Variants in DNAH9 observed in about 807,000 individuals in gnomAD.
The protein encoded by DNAH9 is DNAH9 variant protein.
In DNAH9, 345 loss-of-function variants were observed where a neutral mutation model predicts 471.6. That is an observed-to-expected ratio of 0.73 (90% CI 0.67 to 0.80). The LOEUF (loss-of-function observed/expected upper bound fraction) is 0.80. Ranked by LOEUF, DNAH9 falls within the 30% of genes least tolerant of loss-of-function variation. DNAH9 has a pLI of 0.00. For synonymous variants in DNAH9, 2,093 were observed against 2,123.6 expected, an observed-to-expected ratio of 0.99 and a Z score of 0.40; for missense variants, 5,407 against 5,609.2, an observed-to-expected ratio of 0.96 and a Z score of 1.15.
At chr17:11,941,694 G>GGATAGATAGATAGATA (rs58634740) in intron 66 of DNAH9, among the ~76,000 whole-genome samples, 27 of 148,220 alleles carry the variant, frequency 1.8e-4, no homozygotes, top group African/African-American at 5.3e-4. Flanking sequence ...GTGGATGACC[G>GGATAGATAGATAGATA]GATAGATAGA....
intron 19 of DNAH9, among the ~76,000 whole-genome samples, chr17:11,688,589 C>A (rs1179342351): frequency 6.6e-6 from 1 of 152,226 alleles, no homozygotes; most frequent in East Asian, 1.9e-4. Flanking sequence ...AATGATGACA[C>A]CATCCTGGCA....
intron 38 of DNAH9, among the ~76,000 whole-genome samples, chr17:11,771,378 C>T (rs544822740): frequency 1.3e-5 from 2 of 152,308 alleles, no homozygotes; most frequent in South Asian, 4.1e-4. Flanking sequence ...ATCCACCTGC[C>T]TCGGCCTCCC....
At chr17:11,665,422 A>G (rs2073849669) in intron 15 of DNAH9, among the ~76,000 whole-genome samples, 1 of 152,252 alleles carries the variant, frequency 6.6e-6, no homozygotes, top group South Asian at 2.1e-4. Flanking sequence ...GCCAGGTTAA[A>G]TGGAAGAAAC....
chr17:11,653,515 T>C (rs1217962104), intron 14 of DNAH9, among the ~76,000 whole-genome samples: 1 of 152,118 alleles, frequency 6.6e-6, no homozygotes, highest in African/African-American at 2.4e-5. Context: ...CAGGGAAACT[T>C]TACGTCCCAT....
intron 36 of DNAH9, among the ~76,000 whole-genome samples, chr17:11,767,699 A>AGT (rs56351131): frequency 0.24 from 36,751 of 150,890 alleles, 7,768 homozygotes; most frequent in African/African-American, 0.58. Flanking sequence ...TTTGGGTCTG[A>AGT]GTGTGTGTGT....
intron 43 of DNAH9, among the ~76,000 whole-genome samples, chr17:11,807,024 C>G (rs183366261): frequency 6.6e-6 from 1 of 152,144 alleles, no homozygotes; most frequent in Admixed American, 6.5e-5. Context: ...GAATAGTCTT[C>G]CATTGCAAGG....
Position 11,701,183 on chromosome 17 carries a change from CAGA to C in DNAH9, c.5090_5092del (p.Glu1697del). ...AAGGCCACTGTGAGGCATGAGATGA[CAGA>C]AGGTGTAACTGCCTATGAAGAAAAG... On this transcript the variant is annotated inframe_deletion, in exon 24 of 69. Transcript: ENST00000262442. 1 of 1,614,072 alleles carries C rather than the reference CAGA, an allele frequency of 6.2e-7. No individual in the cohort carries two copies. The highest frequency in any genetic ancestry group is 1.1e-5 in the South Asian group (1 of 91,080).
chr17:11,845,882 A>T (rs1033090739), intron 49 of DNAH9, among the ~76,000 whole-genome samples: 1 of 144,258 alleles, frequency 6.9e-6, no homozygotes, highest in Non-Finnish European at 1.5e-5. Flanking sequence ...GTTTGAGTTC[A>T]TTGTAGATTC....
intron 67 of DNAH9, among the ~76,000 whole-genome samples, chr17:11,952,309 CTTTTTTT>C (rs753276964): frequency 3.9e-4 from 28 of 71,076 alleles, no homozygotes; most frequent in South Asian, 5.6e-4. Flanking sequence ...CCAGCTAATT[CTTTTTTT>C]TTTTTTTTTT....
At chr17:11,769,367 G>A in intron 38 of DNAH9, 38 bp downstream of exon 38, 16 of 1,557,888 alleles carry the variant, frequency 1.0e-5, no homozygotes, top group Non-Finnish European at 1.4e-5. Flanking sequence ...GGGGCATCTG[G>A]GTGGCCGTGT....
chr17:11,747,510 G>T (rs540145924), intron 31 of DNAH9, 46 bp from the exon 32 acceptor site: 15 of 1,506,574 alleles, frequency 1.0e-5, no homozygotes, highest in South Asian at 6.8e-5. Context: ...TGGGATGCAG[G>T]TGAGTCACAG....
chr17:11,652,486 C>T lies in DNAH9; in HGVS notation c.2354-275C>T, dbSNP rs537289192. 1.1e-4 allele frequency among the ~76,000 whole-genome samples: 17 copies of T among 151,898 alleles called. No homozygotes were observed. The South Asian group carries it at 3.1e-3, about 28-fold the overall frequency. On this transcript the variant is annotated intron_variant, in intron 13 of 68. Transcript: ENST00000262442. The stretch of plus-strand genomic sequence containing the variant: ...ATTTTTAGTAGAGACAGGGTTTCAC[C>T]GTGTTAGCCAGGATGGTCTCGATCT...
intron 63 of DNAH9, among the ~76,000 whole-genome samples, 155 bp from the exon 64 acceptor site, chr17:11,931,859 A>C (rs997704497): frequency 5.3e-5 from 8 of 152,086 alleles, no homozygotes; most frequent in Non-Finnish European, 1.0e-4. Context: ...ACCCTTCCAC[A>C]CGTTCCCCCC....
chr17:11,610,355 T>C (rs2072608046), intron 2 of DNAH9, 41 bp from the exon 3 acceptor site: 5 of 1,574,310 alleles, frequency 3.2e-6, no homozygotes, highest in Non-Finnish European at 4.3e-6. Flanking sequence ...TCAGGGTTTT[T>C]GTTTTTGTTG....
At chr17:11,822,288 C>A in intron 46 of DNAH9, 150 bp from the exon 47 acceptor site, 3 of 1,072,482 alleles carry the variant, frequency 2.8e-6, no homozygotes, top group Non-Finnish European at 4.0e-6. Flanking sequence ...GATCTCTTGG[C>A]TGGTGAGGCT....
intron 58 of DNAH9, 50 bp downstream of exon 58, chr17:11,891,997 C>T (rs751744734): frequency 6.3e-7 from 1 of 1,595,030 alleles, no homozygotes; most frequent in African/African-American, 1.3e-5. Flanking sequence ...TTTTAGTGCC[C>T]AGACAGCAGG....
chr17:11,691,240 G>C (rs1467223787), intron 20 of DNAH9, among the ~76,000 whole-genome samples: 2 of 152,174 alleles, frequency 1.3e-5, no homozygotes, highest in Non-Finnish European at 2.9e-5. Context: ...TATTTGCAGT[G>C]AAAAGTAATA....
chr17:11,930,625 G>A (rs1597840470), intron 63 of DNAH9, among the ~76,000 whole-genome samples: 1 of 152,082 alleles, frequency 6.6e-6, no homozygotes, highest in South Asian at 2.1e-4. Context: ...AAACTTGTTA[G>A]AAATGCAGAT....
intron 7 of DNAH9, among the ~76,000 whole-genome samples, chr17:11,630,775 A>G (rs2073051653): frequency 6.6e-6 from 1 of 152,196 alleles, no homozygotes; most frequent in Non-Finnish European, 1.5e-5. Context: ...GTAGATCCTA[A>G]GTGTTCTCAC....
Sources: allele counts gnomAD v4.1 joint callset (sites outside exome capture counted in the v4.1 genomes callset), GRCh38; gene constraint gnomAD v4.1.1; transcripts MANE v1.5; gene names NCBI Gene and HGNC (gene_info 2026-07-23, HGNC 2026-07-21).